Variants in RGS3 observed in about 807,000 individuals in gnomAD.
RGS3 encodes the protein regulator of G-protein signalling 3.
In RGS3, 80 loss-of-function variants were observed where a neutral mutation model predicts 132.6. That is an observed-to-expected ratio of 0.60 (90% CI 0.50 to 0.73). The LOEUF (loss-of-function observed/expected upper bound fraction) is 0.73, where lower values mean the gene tolerates loss of function less well. Among genes scored for constraint, RGS3 ranks in the 30% least tolerant of loss-of-function variants. The probability of loss-of-function intolerance (pLI) is 0.00; values close to 1 mark genes in which losing one functional copy is unlikely to be tolerated. For missense variants in RGS3, 1,382 were observed against 1,530.8 expected (o/e 0.90, Z 1.62); for synonymous variants, 598 against 620.6 (o/e 0.96, Z 0.54).
intron 14 of RGS3, among the ~76,000 whole-genome samples, chr9:113,513,750 C>T (rs761528638): frequency 1.3e-5 from 2 of 152,162 alleles, no homozygotes; most frequent in Non-Finnish European, 1.5e-5. Context: ...GAAGCTTGTG[C>T]GCTTTCCTGT....
At chr9:113,557,243 A>C (rs1303306599) in intron 19 of RGS3, among the ~76,000 whole-genome samples, 2 of 152,230 alleles carry the variant, frequency 1.3e-5, no homozygotes, top group Non-Finnish European at 2.9e-5. Flanking sequence ...TGTCACTGAG[A>C]AGGCCTCAGC....
At chr9:113,496,609 G>A (rs1830692103) in intron 8 of RGS3, among the ~76,000 whole-genome samples, 1 of 151,928 alleles carries the variant, frequency 6.6e-6, no homozygotes, top group Non-Finnish European at 1.5e-5. Flanking sequence ...GGAATGCAGT[G>A]TTGTGATCTT....
chr9:113,554,197 C>T (rs1833475507), intron 19 of RGS3, among the ~76,000 whole-genome samples: 2 of 152,208 alleles, frequency 1.3e-5, no homozygotes, highest in African/African-American at 4.8e-5. Flanking sequence ...CTTCCCTACA[C>T]CCTGCATAAA....
intron 19 of RGS3, among the ~76,000 whole-genome samples, chr9:113,574,375 C>T (rs938008972): frequency 6.6e-6 from 1 of 152,202 alleles, no homozygotes; most frequent in Non-Finnish European, 1.5e-5. Context: ...TCCTAGTTGT[C>T]CCTGCTGCCT....
intron 3 of RGS3, among the ~76,000 whole-genome samples, chr9:113,475,633 C>T (rs1378517718): frequency 6.6e-6 from 1 of 152,132 alleles, no homozygotes; most frequent in Non-Finnish European, 1.5e-5. Context: ...TGGTGTCAAA[C>T]TCCTGGACTC....
chr9:113,497,143 C>G (rs547636739), intron 8 of RGS3, among the ~76,000 whole-genome samples, 171 bp from the exon 7 acceptor site: 2 of 152,202 alleles, frequency 1.3e-5, no homozygotes, highest in Non-Finnish European at 2.9e-5. Context: ...CTGAGCATCA[C>G]GGAAGGCTTC....
chr9:113,516,213 A>G (rs1230170713), intron 15 of RGS3, among the ~76,000 whole-genome samples: 2 of 152,138 alleles, frequency 1.3e-5, no homozygotes, highest in African/African-American at 4.8e-5. Flanking sequence ...CTTTGTTAGG[A>G]TGCAACACAT....
At chr9:113,523,841 G>T (rs1832079702) in intron 17 of RGS3, among the ~76,000 whole-genome samples, 2 of 152,294 alleles carry the variant, frequency 1.3e-5, no homozygotes, top group South Asian at 4.1e-4. Flanking sequence ...GGTGGGGTTT[G>T]CTCGGGAAAG....
rs572387923 is a variant in RGS3, at chr9:113,572,362, C to T, written c.2038-11088C>T. Among the ~76,000 whole-genome samples the T allele has an allele frequency of 4.6e-5, 7 of 152,060 alleles. No individual in the cohort carries two copies. In the South Asian group the frequency reaches 1.5e-3, roughly 32 times the overall value. ...TCAGCCAAACCTAGCCCTGACATCA[C>T]CCCCAAGCAGAGATAGGGTGTGCCT... On this transcript the variant is annotated intron_variant, in intron 19 of 24. Transcript: ENST00000350696.
chr9:113,591,617 A>G lies in RGS3; in HGVS notation c.3080+220A>G. 1.9e-6 allele frequency: 1 copy of G among 538,732 alleles called. No individual in the cohort carries two copies. Among genetic ancestry groups the G allele is most frequent in the Non-Finnish European group, 3.4e-6 (1 of 297,302 alleles). 33.4% of individuals were successfully genotyped at this position (538,732 alleles called of 1,614,324 possible). On this transcript the variant is annotated intron_variant, in intron 21 of 24. Coordinates refer to ENST00000350696, the Ensembl canonical transcript of RGS3. The surrounding 1 kb of genome is among the most constrained non-coding windows in gnomAD (Gnocchi z 4.4). ...TCTCTCCAAGTGAGGCAAAGTGCTGATTCAGTACCCGGAAGCCACAGTGAA... is the reference window on the plus strand; with the variant it reads ...TCTCTCCAAGTGAGGCAAAGTGCTGGTTCAGTACCCGGAAGCCACAGTGAA...
chr9:113,450,134 A>G (rs759748827), intron 1 of RGS3, among the ~76,000 whole-genome samples: 17 of 148,796 alleles, frequency 1.1e-4, no homozygotes, highest in Non-Finnish European at 1.9e-4. Context: ...CAGTGCCGTG[A>G]TCTCGGCTCA....
chr9:113,541,667 C>CA, intron 19 of RGS3: 1 of 1,137,466 alleles, frequency 8.8e-7, no homozygotes, highest in South Asian at 3.1e-5. Context: ...GGAGAGGACT[C>CA]AGAGGCTTCT....
At chr9:113,485,740 G>A (rs1830311895) in intron 7 of RGS3, 47 bp downstream of exon 5, 1 of 1,435,574 alleles carries the variant, frequency 7.0e-7, no homozygotes, top group South Asian at 1.2e-5. Context: ...CTGGGCTAGT[G>A]GGTGACAGCC....
chr9:113,553,490 AT>A (rs1344665585), intron 19 of RGS3, among the ~76,000 whole-genome samples: 3 of 118,300 alleles, frequency 2.5e-5, no homozygotes, highest in African/African-American at 9.5e-5. Context: ...ATATATATAT[AT>A]GTATATATAA....
intron 21 of RGS3, chr9:113,593,728 T>C: frequency 1.6e-6 from 1 of 612,692 alleles, no homozygotes; most frequent in Middle Eastern, 4.4e-4. Context: ...TTAACTCCTT[T>C]CTTGCCAGCA....
rs553215031 is a variant in RGS3, at chr9:113,583,548, T to C, written c.2136T>C (p.Pro712=). 1.4e-5 allele frequency: 22 copies of C among 1,614,188 alleles called. No individual in the cohort carries two copies. In the East Asian group the frequency reaches 4.5e-4, roughly 33 times the overall value. The change falls in exon 20 of 25, where the codon CCT becomes CCC. Residue 712 remains proline, a synonymous_variant. Transcript: ENST00000350696. ...CCCCACCCAGCAAGGAGCCCTCTCC[T>C]GGCCAGGAGCTTCCTCCAGGACAAG...
chr9:113,481,785 G>A lies in RGS3; in HGVS notation c.467-1274G>A, dbSNP rs907926291. Among the ~76,000 whole-genome samples, 13 of 152,294 alleles carry A rather than the reference G, an allele frequency of 8.5e-5. No homozygotes were observed. The East Asian group carries it at 9.6e-4, about 11-fold the overall frequency. On this transcript the variant is annotated intron_variant, in intron 4 of 24. Transcript: ENST00000350696. ...CGTAAGGCTGGGTGCATTGGCTCAC[G>A]CCTGTAATCCCAGCACTTTGGGAGG...
chr9:113,575,263 A>G (rs758002277), intron 19 of RGS3, among the ~76,000 whole-genome samples: 5 of 152,166 alleles, frequency 3.3e-5, no homozygotes, highest in Non-Finnish European at 5.9e-5. Flanking sequence ...CTCTTTCCTC[A>G]GGGATTCCCT....
At chr9:113,594,383 G>A (rs1564625935) in intron 21 of RGS3, 47 bp from the exon 20 acceptor site, 3 of 1,606,496 alleles carry the variant, frequency 1.9e-6, no homozygotes, top group Non-Finnish European at 2.6e-6. Flanking sequence ...ATTTGCAGGG[G>A]CGAGTGGGCC....
Sources: gnomAD v4.1 joint callset for allele counts (sites outside exome capture counted in the v4.1 genomes callset) on GRCh38, gnomAD v4.1.1 for gene constraint, Gnocchi (gnomAD v3.1) non-coding constraint, MANE v1.5 for transcripts, NCBI Gene and HGNC (gene_info 2026-07-23, HGNC 2026-07-21) for gene names.